The following F11R variants were observed in gnomAD, a reference collection of about 807,000 sequenced individuals.
The protein encoded by F11R is junctional adhesion molecule A.
F11R carries 27 observed loss-of-function variants against 39.3 expected under a neutral mutation model. That is an observed-to-expected ratio of 0.69 (90% CI 0.51 to 0.95). The LOEUF (loss-of-function observed/expected upper bound fraction) is 0.95. Ranked by LOEUF, F11R falls within the 40% of genes least tolerant of loss-of-function variation. The pLI is 0.00. For synonymous variants in F11R, 131 were observed against 144.9 expected, an observed-to-expected ratio of 0.90 and a Z score of 0.69; for missense variants, 335 against 372.7, an observed-to-expected ratio of 0.90 and a Z score of 0.83.
chr1:161,016,656 C>CA lies in F11R; in HGVS notation c.64+4353dup, dbSNP rs773532935. On this transcript the variant is annotated intron_variant, in intron 1 of 9. Coordinates refer to ENST00000368026, the MANE Select transcript of F11R (RefSeq NM_016946.6). ...TGGGTAACAGAATGAGACTCCGTCT[C>CA]AAAAAAAAAAAAAGTGATCTGGAGC... Among the ~76,000 whole-genome samples, 423 of 129,776 alleles carry CA rather than the reference C, an allele frequency of 3.3e-3. 3 individuals carry two copies. The highest frequency in any genetic ancestry group is 4.1e-3 in the Non-Finnish European group (246 of 59,878). The allele number at this position is 129,776 out of a possible 152,430, so 85.1% of individuals were successfully genotyped here. A position where few individuals can be genotyped will look rare whatever the true frequency, so the allele number is the denominator to read the frequency against.
intron 1 of F11R, among the ~76,000 whole-genome samples, chr1:161,010,798 CA>C (rs1649110082): frequency 6.6e-6 from 1 of 151,580 alleles, no homozygotes; most frequent in Non-Finnish European, 1.5e-5. Context: ...CCAACCTGAC[CA>C]AAATGGTGAA....
intron 3 of F11R, 22 bp from the exon 4 acceptor site, chr1:161,000,799 G>C (rs1403430322): frequency 2.5e-5 from 41 of 1,613,890 alleles, no homozygotes; most frequent in Non-Finnish European, 3.3e-5. Flanking sequence ...GGAGGCAAGA[G>C]CAAGGACAGA....
intron 1 of F11R, among the ~76,000 whole-genome samples, chr1:161,009,856 C>T (rs1649030903): frequency 6.6e-6 from 1 of 151,874 alleles, no homozygotes; most frequent in South Asian, 2.1e-4. Flanking sequence ...GGCTGGAGAA[C>T]CACTTGAGCC....
chr1:161,000,967 C>T (rs996065004), intron 3 of F11R, 53 bp downstream of exon 3: 3 of 1,541,002 alleles, frequency 1.9e-6, no homozygotes, highest in African/African-American at 2.7e-5. Context: ...AGAATCCAGG[C>T]ATGATAATCC....
rs370354016 is a variant in F11R at position 161,001,248 on chromosome 1, C to T, written c.133+37G>A. ...TAGATCCCCAGGCGGCCGGCAACTG[C>T]TCACCCTCACACCCTCCATGGCCCC... On this transcript the variant is annotated intron_variant, in intron 2 of 9. Coordinates refer to ENST00000368026, the MANE Select transcript of F11R (RefSeq NM_016946.6). The T allele has an allele frequency of 6.7e-5, 108 of 1,610,066 alleles. 1 individual carries two copies. The African/African-American group carries it at 1.4e-3, about 20-fold the overall frequency.
chr1:161,008,132 C>A (rs1054508045), intron 1 of F11R, among the ~76,000 whole-genome samples: 3 of 151,726 alleles, frequency 2.0e-5, no homozygotes, highest in Non-Finnish European at 4.4e-5. Context: ...AAGTTCACAA[C>A]AAGAAAAGCC....
At chr1:161,010,940 C>G (rs1274924113) in intron 1 of F11R, among the ~76,000 whole-genome samples, 1 of 143,036 alleles carries the variant, frequency 7.0e-6, no homozygotes, top group Non-Finnish European at 1.5e-5. Context: ...CGCCACTGCA[C>G]TCCAGTCTGG....
chr1:160,998,716 G>C lies in F11R; in HGVS notation c.*155C>G. On this transcript the variant is annotated 3_prime_UTR_variant, in exon 10 of 10. Coordinates refer to ENST00000368026, the MANE Select transcript of F11R (RefSeq NM_016946.6). ...GGCATGAAGGAGGATGGGGCACATA[G>C]CTGACATTATTAAAAACACATCCGA... 1 of 691,212 alleles carries C rather than the reference G, an allele frequency of 1.4e-6. No homozygotes were observed. 42.8% of individuals were successfully genotyped at this position (691,212 alleles called of 1,614,324 possible).
In F11R at chr1:160,995,215, G is replaced by C. The variant is rs1333387575; in HGVS notation, c.*3656C>G. 1 of 152,152 alleles carries C rather than the reference G, an allele frequency of 6.6e-6. No individual in the cohort carries two copies. Among genetic ancestry groups the C allele is most frequent in the Admixed American group, 6.6e-5 (1 of 15,258 alleles). The allele number at this position is 152,152 out of a possible 1,614,324, so 9.4% of individuals were successfully genotyped here. A position where few individuals can be genotyped will look rare whatever the true frequency, so the allele number is the denominator to read the frequency against. ...GGGGTAATAAGCTGGAAAAGCTAAA[G>C]AATTGGATATTTTTTAATGCAAATT... is the stretch of plus-strand genomic sequence containing the variant. On this transcript the variant is annotated 3_prime_UTR_variant, in exon 10 of 10. Coordinates refer to ENST00000368026, the MANE Select transcript of F11R (RefSeq NM_016946.6).
chr1:161,007,867 C>T (rs975630750), intron 1 of F11R, among the ~76,000 whole-genome samples: 1 of 152,182 alleles, frequency 6.6e-6, no homozygotes, highest in African/African-American at 2.4e-5. Context: ...CTAGAACCTT[C>T]ACAGCTGTAC....
intron 1 of F11R, among the ~76,000 whole-genome samples, chr1:161,017,342 T>A (rs988246925): frequency 3.3e-5 from 5 of 152,020 alleles, no homozygotes; most frequent in Non-Finnish European, 7.4e-5. Context: ...CTCCTGCCCG[T>A]CCCTGGGCAA....
At chr1:160,999,845 C>A in intron 6 of F11R, 31 bp downstream of exon 6, 1 of 1,610,938 alleles carries the variant, frequency 6.2e-7, no homozygotes, top group Non-Finnish European at 8.5e-7. Context: ...CAATCCCCAC[C>A]CCAGGTCTGG....
chr1:160,999,199 C>A (rs542298623), intron 8 of F11R, 108 bp from the exon 9 acceptor site: 3 of 1,503,570 alleles, frequency 2.0e-6, no homozygotes, highest in African/African-American at 3.1e-5. Context: ...GCACAGAGTG[C>A]GCAGCAGACA....
At chr1:160,999,568 C>T (rs1447843808) in intron 7 of F11R, 72 bp downstream of exon 7, 5 of 1,517,556 alleles carry the variant, frequency 3.3e-6, no homozygotes. Flanking sequence ...AGGGTCAGTA[C>T]TCAGATGACA....
chr1:160,999,051 G>C lies in F11R; in HGVS notation c.856C>G (p.Arg286Gly). ...KKVIYSQPSA[R>G]SEGEFKQTSS... ...AGGGGAGGCATACTCACTTCACTTC[G>C]GGCACTAGGCTGGCTGTAAATCACC... The change falls in exon 9 of 10, where the codon CGA (arginine) becomes GGA (glycine). Residue 286 changes from arginine (R) to glycine (G), a missense_variant. Coordinates refer to ENST00000368026, the MANE Select transcript of F11R (RefSeq NM_016946.6). The C allele has an allele frequency of 1.2e-6, 2 of 1,614,136 alleles. No individual in the cohort carries two copies. The highest frequency in any genetic ancestry group is 1.7e-6 in the Non-Finnish European group (2 of 1,180,018).
rs1213834882 is a variant in F11R, at chr1:161,021,114, T to A, written c.-41A>T. 1 of 1,578,200 alleles carries A rather than the reference T, an allele frequency of 6.3e-7. No homozygotes were observed. The highest frequency in any genetic ancestry group is 8.7e-7 in the Non-Finnish European group (1 of 1,149,266). ...GACACAACAGCCGCCGAAGGACTCC[T>A]GGGAACAGACACAGCTCCGCGACTA... On this transcript the variant is annotated 5_prime_UTR_variant, in exon 1 of 10. Transcript: ENST00000368026.
intron 1 of F11R, among the ~76,000 whole-genome samples, chr1:161,011,472 T>G (rs1286789981): frequency 6.6e-6 from 1 of 152,156 alleles, no homozygotes; most frequent in African/African-American, 2.4e-5. Flanking sequence ...CCAGGCGCGG[T>G]GGCTCACACC....
intron 1 of F11R, among the ~76,000 whole-genome samples, chr1:161,012,600 TTTTATTTATTTA>T (rs10649944): frequency 2.1e-4 from 30 of 144,228 alleles, no homozygotes; most frequent in East Asian, 1.4e-3. Flanking sequence ...AATTAATTAA[TTTTATTTATTTA>T]TTTATTTATT....
intron 1 of F11R, among the ~76,000 whole-genome samples, chr1:161,012,776 C>G (rs959433537): frequency 6.6e-6 from 1 of 151,994 alleles, no homozygotes; most frequent in Non-Finnish European, 1.5e-5. Context: ...AGGCACCCAC[C>G]ACCATGCCCG....
Sources: allele counts gnomAD v4.1 joint callset (sites outside exome capture counted in the v4.1 genomes callset), GRCh38; gene constraint gnomAD v4.1.1; transcripts MANE v1.5; gene names NCBI Gene and HGNC (gene_info 2026-07-23, HGNC 2026-07-21).